SHISA9: variants seen among roughly 807,000 people sequenced by gnomAD.
SHISA9 encodes shisa family member 9.
SHISA9 carries 13 observed loss-of-function variants against 38.0 expected under a neutral mutation model. The ratio of observed to expected loss-of-function variants is 0.34; its 90% CI spans 0.22 to 0.54. SHISA9 has a LOEUF of 0.54. Among genes scored for constraint, SHISA9 ranks in the 20% least tolerant of loss-of-function variants. The pLI, the probability that SHISA9 is intolerant of heterozygous loss-of-function variation, is 0.91. For missense variants in SHISA9, 538 were observed against 575.8 expected (o/e 0.93, Z 0.67); for synonymous variants, 275 against 242.0 (o/e 1.14, Z -1.27).
intron 2 of SHISA9, among the ~76,000 whole-genome samples, chr16:12,959,330 T>C (rs12929812): frequency 0.19 from 29,313 of 152,150 alleles, 3,469 homozygotes; most frequent in Middle Eastern, 0.35. Context: ...AAAGATCCAT[T>C]AGCTAATTTA....
At chr16:13,472,805 T>TAA in the SHISA9 span, among the ~76,000 whole-genome samples, 1 of 152,354 alleles carries the variant, frequency 6.6e-6, no homozygotes, top group South Asian at 2.1e-4. Flanking sequence ...TAATTCCATC[T>TAA]ACTGTTTTTA....
chr16:13,050,016 A>C (rs2073232543), intron 2 of SHISA9, among the ~76,000 whole-genome samples: 2 of 152,188 alleles, frequency 1.3e-5, no homozygotes, highest in African/African-American at 2.4e-5. Context: ...TAAAGAAATC[A>C]TCTTGGAGGT....
the SHISA9 span, among the ~76,000 whole-genome samples, chr16:13,340,595 C>T: frequency 1.1e-4 from 17 of 152,188 alleles, no homozygotes; most frequent in Non-Finnish European, 2.2e-4. Context: ...ACAAACCCTC[C>T]ACCACAATCC....
At chr16:13,429,976 TG>T in the SHISA9 span, among the ~76,000 whole-genome samples, 1 of 152,210 alleles carries the variant, frequency 6.6e-6, no homozygotes, top group African/African-American at 2.4e-5. Flanking sequence ...TAAGGTTAAA[TG>T]GGATCCTTAA....
At chr16:13,467,992 A>G in the SHISA9 span, among the ~76,000 whole-genome samples, 10 of 152,222 alleles carry the variant, frequency 6.6e-5, no homozygotes, top group Non-Finnish European at 1.2e-4. Context: ...AAAAGAACTG[A>G]AAAACTTAAC....
At chr16:13,044,272 A>T (rs559801931) in intron 2 of SHISA9, among the ~76,000 whole-genome samples, 1 of 152,220 alleles carries the variant, frequency 6.6e-6, no homozygotes, top group African/African-American at 2.4e-5. Context: ...AATGGCAAAA[A>T]CTGTGATTAC....
chr16:13,545,690 C>T, the SHISA9 span, among the ~76,000 whole-genome samples: 1 of 152,196 alleles, frequency 6.6e-6, no homozygotes, highest in African/African-American at 2.4e-5. Flanking sequence ...GATGAATCTT[C>T]TCTCACGCCA....
At chr16:13,534,113 AATACCAC>A in the SHISA9 span, among the ~76,000 whole-genome samples, 1 of 151,888 alleles carries the variant, frequency 6.6e-6, no homozygotes. Flanking sequence ...CACTTCCCTT[AATACCAC>A]ATCTCCCTCC....
At chr16:13,021,799 A>G (rs2072858059) in intron 2 of SHISA9, among the ~76,000 whole-genome samples, 1 of 152,194 alleles carries the variant, frequency 6.6e-6, no homozygotes, top group South Asian at 2.1e-4. Flanking sequence ...ATAATAGTCT[A>G]TTTATTAGAC....
chr16:13,506,678 G>T, the SHISA9 span, among the ~76,000 whole-genome samples: 1 of 152,058 alleles, frequency 6.6e-6, no homozygotes, highest in African/African-American at 2.4e-5. Flanking sequence ...AAGGGGATTA[G>T]AAGGTGGTGT....
In SHISA9 at chr16:13,235,343, C is replaced by T. The variant is rs953935837; in HGVS notation, c.1209C>T (p.Arg403=). The T allele has an allele frequency of 1.9e-6, 3 of 1,544,524 alleles. No individual in the cohort carries two copies. Among genetic ancestry groups the T allele is most frequent in the Admixed American group, 2.0e-5 (1 of 50,990 alleles). The change falls in exon 5 of 5, where the codon CGC becomes CGT. Residue 403 remains arginine (R), a synonymous_variant. Coordinates refer to ENST00000558583, the MANE Select transcript of SHISA9 (RefSeq NM_001145204.3). ...GCTCCAGCGACCCCTTGGGAACTCG[C>T]CCCCAGCACTACCCACCCCCACAGC... ...ETGSSDPLGT[R]PQHYPPPQPY... is the part of the protein sequence containing the mutation.
chr16:12,982,924 A>G (rs2072259722), intron 2 of SHISA9, among the ~76,000 whole-genome samples: 1 of 152,206 alleles, frequency 6.6e-6, no homozygotes, highest in Non-Finnish European at 1.5e-5. Flanking sequence ...GTAAGGTGAA[A>G]TCTTCCCCAT....
chr16:13,100,110 G>A (rs1284125060), intron 2 of SHISA9, among the ~76,000 whole-genome samples: 1 of 152,196 alleles, frequency 6.6e-6, no homozygotes, highest in Non-Finnish European at 1.5e-5. Flanking sequence ...AGGAATGTCA[G>A]CTCAGTGTCA....
intron 2 of SHISA9, among the ~76,000 whole-genome samples, chr16:13,069,298 T>G (rs1303635550): frequency 6.6e-6 from 1 of 151,816 alleles, no homozygotes; most frequent in Non-Finnish European, 1.5e-5. Context: ...AATGTATGCG[T>G]GTGTATATGT....
chr16:13,531,640 G>A, the SHISA9 span, among the ~76,000 whole-genome samples: 5 of 152,170 alleles, frequency 3.3e-5, no homozygotes, highest in African/African-American at 9.7e-5. Flanking sequence ...AGGCAAATTA[G>A]CAGGGTCCCT....
At chr16:13,417,226 G>A in the SHISA9 span, among the ~76,000 whole-genome samples, 1 of 152,192 alleles carries the variant, frequency 6.6e-6, no homozygotes, top group Non-Finnish European at 1.5e-5. Flanking sequence ...GTGTTGAAGG[G>A]TGGTTGGCAC....
the SHISA9 span, among the ~76,000 whole-genome samples, chr16:13,277,516 T>A: frequency 6.6e-6 from 1 of 152,004 alleles, no homozygotes; most frequent in Non-Finnish European, 1.5e-5. Context: ...GGCAGTATGG[T>A]CATTTTCATG....
In SHISA9 at chr16:12,916,785, A is replaced by T; in HGVS notation, c.661A>T (p.Met221Leu). The T allele has an allele frequency of 6.4e-7, 1 of 1,551,946 alleles. No individual in the cohort carries two copies. Among genetic ancestry groups the T allele is most frequent in the Non-Finnish European group, 8.7e-7 (1 of 1,147,040 alleles). ...IVVHVQHYEN[M>L]DTRTPINNLH... ...TGTCCACGTCCAGCATTATGAGAAC[A>T]TGGACACGAGAACCCCCATAAATAA... The change falls in exon 2 of 5, where the codon ATG (methionine) becomes TTG (leucine). Residue 221 changes from methionine to leucine, a missense_variant. Physicochemically the swap from Met to Leu is conservative, Grantham distance 15 (BLOSUM62 2). This residue lies in a region of SHISA9 where 326 missense variants were observed against 305.9 expected (regional missense o/e 1.07). Transcript: ENST00000558583.
chr16:13,417,096 G>T, the SHISA9 span, among the ~76,000 whole-genome samples: 1 of 152,278 alleles, frequency 6.6e-6, no homozygotes, highest in Non-Finnish European at 1.5e-5. Flanking sequence ...CTTGCCGAAG[G>T]CACCTTTTGG....
Sources: gnomAD v4.1 joint callset for allele counts (sites outside exome capture counted in the v4.1 genomes callset) on GRCh38, gnomAD v4.1.1 for gene constraint, gnomAD v4.1.1 regional missense constraint, MANE v1.5 for transcripts, NCBI Gene and HGNC (gene_info 2026-07-23, HGNC 2026-07-21) for gene names.